Variants in KANSL2 observed in about 807,000 individuals in gnomAD.
KANSL2 encodes NSL complex protein NSL2.
KANSL2 carries 34 observed loss-of-function variants against 55.6 expected under a neutral mutation model. The ratio of observed to expected loss-of-function variants is 0.61; its 90% CI spans 0.46 to 0.81. The LOEUF (loss-of-function observed/expected upper bound fraction) is 0.81, where lower values mean the gene tolerates loss of function less well. Ranked by LOEUF, KANSL2 falls within the 40% of genes least tolerant of loss-of-function variation. KANSL2 has a pLI of 0.00. For missense variants in KANSL2, 502 were observed against 609.9 expected (o/e 0.82, Z 1.86); for synonymous variants, 209 against 214.3 (o/e 0.98, Z 0.22).
intron 7 of KANSL2, among the ~76,000 whole-genome samples, chr12:48,663,479 A>G (rs1939525713): frequency 6.6e-6 from 1 of 152,214 alleles, no homozygotes; most frequent in African/African-American, 2.4e-5. Context: ...GACCTTTAAC[A>G]ACACAAGCTT....
intron 5 of KANSL2, 131 bp downstream of exon 5, chr12:48,671,668 A>T: frequency 2.2e-6 from 2 of 911,528 alleles, no homozygotes; most frequent in Non-Finnish European, 3.4e-6. Flanking sequence ...AGCGTGAGTC[A>T]CTCCATGAAG....
chr12:48,671,454 A>T (rs1470113721), intron 5 of KANSL2, among the ~76,000 whole-genome samples: 1 of 152,164 alleles, frequency 6.6e-6, no homozygotes, highest in African/African-American at 2.4e-5. Flanking sequence ...CTCGCCCAAA[A>T]TAACTTCCAG....
At chr12:48,665,039 T>C (rs112164415) in intron 7 of KANSL2, among the ~76,000 whole-genome samples, 11 of 146,502 alleles carry the variant, frequency 7.5e-5, no homozygotes, top group African/African-American at 2.8e-4. Flanking sequence ...CCAGATAATT[T>C]TTCTTTCTTC....
intron 7 of KANSL2, among the ~76,000 whole-genome samples, chr12:48,666,055 T>A (rs954440977): frequency 6.6e-6 from 1 of 151,556 alleles, no homozygotes; most frequent in African/African-American, 2.4e-5. Flanking sequence ...TCTACAAAAA[T>A]TAAATAAAAT....
chr12:48,662,219 C>T (rs1020944242), intron 7 of KANSL2, among the ~76,000 whole-genome samples: 35 of 152,286 alleles, frequency 2.3e-4, no homozygotes, highest in African/African-American at 6.5e-4. Context: ...ATTCTCCTGC[C>T]GCAGACTCCA....
At chr12:48,672,392 T>TATATATATATAC (rs1491579518) in intron 4 of KANSL2, among the ~76,000 whole-genome samples, 24 of 137,622 alleles carry the variant, frequency 1.7e-4, no homozygotes, top group African/African-American at 6.8e-4. Context: ...TATATATACA[T>TATATATATATAC]GTATATATAT....
chr12:48,676,333 T>C (rs1359824756), intron 4 of KANSL2, among the ~76,000 whole-genome samples: 3 of 152,076 alleles, frequency 2.0e-5, no homozygotes, highest in Non-Finnish European at 1.5e-5. Context: ...CTCGAACTCC[T>C]GGGCTCAAGC....
chr12:48,676,924 T>C (rs1939832056), intron 4 of KANSL2, among the ~76,000 whole-genome samples: 1 of 152,210 alleles, frequency 6.6e-6, no homozygotes, highest in Non-Finnish European at 1.5e-5. Context: ...AAAGTGATCC[T>C]ATTGATGACA....
intron 8 of KANSL2, among the ~76,000 whole-genome samples, chr12:48,659,441 T>C (rs796139978): frequency 1.9e-4 from 29 of 151,820 alleles, no homozygotes; most frequent in African/African-American, 6.8e-4. Flanking sequence ...CCATGCAACA[T>C]AGGGAGATCT....
intron 4 of KANSL2, 96 bp downstream of exon 4, chr12:48,678,940 T>C: frequency 3.6e-6 from 3 of 835,646 alleles, no homozygotes; most frequent in East Asian, 5.3e-5. Context: ...ATAGCTGTCT[T>C]CAACCCTCCT....
At chr12:48,666,895 T>C (rs1014304074) in intron 7 of KANSL2, among the ~76,000 whole-genome samples, 1 of 151,184 alleles carries the variant, frequency 6.6e-6, no homozygotes, top group African/African-American at 2.4e-5. Context: ...AATAAAAAAA[T>C]AAAAGCCGGG....
rs555179162 is a variant in KANSL2 at position 48,668,660 on chromosome 12, T to C, written c.876+446A>G. Among the ~76,000 whole-genome samples, 9 of 152,130 alleles carry C rather than the reference T, an allele frequency of 5.9e-5. No homozygotes were observed. In the South Asian group the frequency reaches 6.2e-4, roughly 11 times the overall value. ...GCTGCGGTGAGCCAAGACGGCGCCA[T>C]TGCACTCCAGCCTGGGCAACAAGAT... On this transcript the variant is annotated intron_variant, in intron 6 of 9. Coordinates refer to ENST00000420613, the MANE Select transcript of KANSL2 (RefSeq NM_017822.4).
At chr12:48,673,485 G>A (rs1359202270) in intron 4 of KANSL2, among the ~76,000 whole-genome samples, 2 of 151,788 alleles carry the variant, frequency 1.3e-5, no homozygotes, top group Non-Finnish European at 2.9e-5. Context: ...GCTTGAACCC[G>A]GGAGGCAGAG....
rs1939661005 is a variant in KANSL2, at chr12:48,669,221, T to C, written c.761A>G (p.Asn254Ser). The C allele has an allele frequency of 1.3e-6, 2 of 1,570,312 alleles. No individual in the cohort carries two copies. Among genetic ancestry groups the C allele is most frequent in the Non-Finnish European group, 1.7e-6 (2 of 1,156,642 alleles). The change falls in exon 6 of 10, where the codon AAC becomes AGC. Residue 254 changes from asparagine to serine, a missense_variant. Physicochemically the swap from Asn to Ser is conservative, Grantham distance 46. Coordinates refer to ENST00000420613, the MANE Select transcript of KANSL2 (RefSeq NM_017822.4). ...PEGLLAKERE[N>S]LKRLKCLRRY... ...TCGCAGACATTTTAATCGCTTTAAG[T>C]TCTCTCGTTCTTTGGCCAAAAGTCC...
At chr12:48,658,005 C>T (rs1409959953) in intron 8 of KANSL2, among the ~76,000 whole-genome samples, 11 of 152,014 alleles carry the variant, frequency 7.2e-5, no homozygotes, top group Non-Finnish European at 8.8e-5. Flanking sequence ...CCAAGGTGGG[C>T]GAAACACTTG....
intron 4 of KANSL2, 105 bp downstream of exon 4, chr12:48,678,931 T>C (rs74088110): frequency 0.025 from 17,987 of 731,698 alleles, 348 homozygotes; most frequent in African/African-American, 0.073. Context: ...TGCTGACAAA[T>C]AGCTGTCTTC....
intron 7 of KANSL2, among the ~76,000 whole-genome samples, chr12:48,662,366 AAG>A (rs1178164046): frequency 7.2e-5 from 11 of 152,172 alleles, no homozygotes; most frequent in African/African-American, 2.7e-4. Context: ...CAGCCTCCCA[AAG>A]TGTTGGGATT....
chr12:48,662,634 C>CA, intron 7 of KANSL2: 1 of 1,287,330 alleles, frequency 7.8e-7, no homozygotes, highest in Non-Finnish European at 1.0e-6. Context: ...AACAGGTCAC[C>CA]AATGGCAGTC....
intron 5 of KANSL2, among the ~76,000 whole-genome samples, chr12:48,669,927 A>G (rs1321940241): frequency 1.3e-5 from 2 of 152,184 alleles, no homozygotes; most frequent in African/African-American, 2.4e-5. Context: ...CAGGCTGGAC[A>G]CAGTGGCTCA....
Sources: allele counts gnomAD v4.1 joint callset (sites outside exome capture counted in the v4.1 genomes callset), GRCh38; gene constraint gnomAD v4.1.1; transcripts MANE v1.5; gene names NCBI Gene and HGNC (gene_info 2026-07-23, HGNC 2026-07-21).